ACKR5: variants seen among roughly 807,000 people sequenced by gnomAD.
ACKR5 encodes the protein atypical chemokine receptor 5.
the ACKR5 span, chr12:56,996,540 ATCTT>A: frequency 1.4e-5 from 12 of 870,744 alleles, no homozygotes; most frequent in Non-Finnish European, 1.9e-5. Context: ...TTTTGAATCT[ATCTT>A]AAAATACTGA....
the ACKR5 span, chr12:56,995,409 GGC>G: frequency 6.2e-7 from 1 of 1,614,228 alleles, no homozygotes; most frequent in Non-Finnish European, 8.5e-7. The surrounding 1 kb of genome is among the most constrained non-coding windows in gnomAD (Gnocchi z 4.7). Context: ...TTTGTGGTTG[GGC>G]TGGTGGAGAA....
the ACKR5 span, chr12:56,998,532 A>G: frequency 6.6e-6 from 1 of 152,266 alleles, no homozygotes; most frequent in African/African-American, 2.4e-5. Flanking sequence ...AACTGTAGCC[A>G]AATCTCTCAC....
At chr12:56,995,931 C>T in the ACKR5 span, 9 of 1,613,162 alleles carry the variant, frequency 5.6e-6, no homozygotes, top group Non-Finnish European at 7.6e-6. The surrounding 1 kb of genome is among the most constrained non-coding windows in gnomAD (Gnocchi z 4.7). Context: ...AATGTGCTGA[C>T]AGCCTGCCGG....
the ACKR5 span, chr12:56,995,498 A>G: frequency 1.2e-6 from 2 of 1,614,180 alleles, no homozygotes; most frequent in African/African-American, 1.3e-5. This position sits in a 1 kb window ranked among gnomAD's most constrained non-coding sequence, Gnocchi z 4.7. Flanking sequence ...CAACATGGCC[A>G]TCGCGGACCT....
chr12:56,997,169 T>A, the ACKR5 span: 15 of 152,170 alleles, frequency 9.9e-5, no homozygotes, highest in Non-Finnish European at 1.9e-4. Context: ...AGTCAGCTCC[T>A]CATAGCTGAC....
chr12:56,995,079 T>C, the ACKR5 span: 5,429 of 757,240 alleles, frequency 7.2e-3, 227 homozygotes, highest in African/African-American at 0.083. The surrounding 1 kb of genome is among the most constrained non-coding windows in gnomAD (Gnocchi z 4.7). Context: ...CTTCCCTTTC[T>C]TGCCTTAGCC....
chr12:56,995,658 A>G, the ACKR5 span: 1 of 1,613,956 alleles, frequency 6.2e-7, no homozygotes, highest in Non-Finnish European at 8.5e-7. This position sits in a 1 kb window ranked among gnomAD's most constrained non-coding sequence, Gnocchi z 4.7. Flanking sequence ...CTCAGTGTCG[A>G]CCGCTATGTC....
chr12:56,996,197 C>T, the ACKR5 span: 9 of 1,614,120 alleles, frequency 5.6e-6, no homozygotes, highest in South Asian at 2.2e-5. Context: ...CTTCCGGGGC[C>T]GGCTCCTGAA....
the ACKR5 span, chr12:56,996,384 C>T: frequency 6.2e-7 from 1 of 1,600,134 alleles, no homozygotes; most frequent in Non-Finnish European, 8.5e-7. Flanking sequence ...CTTCCAAATA[C>T]TTCCCCCATC....
At chr12:56,996,191 C>T in the ACKR5 span, 29 of 1,614,020 alleles carry the variant, frequency 1.8e-5, no homozygotes, top group Admixed American at 5.0e-5. Flanking sequence ...CCCACACTTC[C>T]GGGGCCGGCT....
the ACKR5 span, chr12:56,996,928 G>T: frequency 6.4e-6 from 1 of 155,884 alleles, no homozygotes; most frequent in Non-Finnish European, 1.4e-5. Flanking sequence ...GCCCCAGCAG[G>T]ACGTTCCCTA....
chr12:56,998,812 T>G, the ACKR5 span: 1 of 152,632 alleles, frequency 6.6e-6, no homozygotes, highest in Non-Finnish European at 1.5e-5. Flanking sequence ...AGCATATTCA[T>G]AGTAGGTAGG....
the ACKR5 span, chr12:56,995,753 G>A: frequency 6.2e-7 from 1 of 1,613,934 alleles, no homozygotes; most frequent in Non-Finnish European, 8.5e-7. This position sits in a 1 kb window ranked among gnomAD's most constrained non-coding sequence, Gnocchi z 4.7. Context: ...GGTCCTCTCG[G>A]CCATCATCCC....
At chr12:56,995,998 C>T in the ACKR5 span, 9 of 1,610,224 alleles carry the variant, frequency 5.6e-6, no homozygotes, top group African/African-American at 5.3e-5. The surrounding 1 kb of genome is among the most constrained non-coding windows in gnomAD (Gnocchi z 4.7). Flanking sequence ...TGTGCGCCTA[C>T]GTGGCCGTCT....
chr12:56,996,387 C>T, the ACKR5 span: 1 of 1,599,344 alleles, frequency 6.3e-7, no homozygotes, highest in South Asian at 1.1e-5. Flanking sequence ...CCAAATACTT[C>T]CCCCATCTCT....
At chr12:56,996,285 A>G in the ACKR5 span, 1 of 1,614,164 alleles carries the variant, frequency 6.2e-7, no homozygotes, top group Non-Finnish European at 8.5e-7. Flanking sequence ...TCCACCCAGC[A>G]TTCCATCATC....
the ACKR5 span, chr12:56,995,656 C>T: frequency 3.1e-6 from 5 of 1,613,964 alleles, no homozygotes; most frequent in African/African-American, 1.3e-5. This position sits in a 1 kb window ranked among gnomAD's most constrained non-coding sequence, Gnocchi z 4.7. Flanking sequence ...GCCTCAGTGT[C>T]GACCGCTATG....
the ACKR5 span, chr12:56,996,260 T>C: frequency 1.2e-6 from 2 of 1,614,108 alleles, no homozygotes; most frequent in Non-Finnish European, 1.7e-6. Flanking sequence ...CACATGCGCC[T>C]CCTCTTCCTC....
chr12:56,996,399 C>G, the ACKR5 span: 1 of 1,591,666 alleles, frequency 6.3e-7, no homozygotes, highest in Non-Finnish European at 8.6e-7. Flanking sequence ...CCCATCTCTC[C>G]CACTCAGCCT....
Sources: allele counts gnomAD v4.1 joint callset, GRCh38; gene constraint gnomAD v4.1.1; non-coding constraint Gnocchi (gnomAD v3.1); transcripts MANE v1.5; gene names NCBI Gene and HGNC (gene_info 2026-07-23, HGNC 2026-07-21).